The following RAPGEF2 variants were observed in gnomAD, a reference collection of about 807,000 sequenced individuals.
RAPGEF2 encodes the protein Rap guanine nucleotide exchange factor 2.
In RAPGEF2, 54 loss-of-function variants were observed where a neutral mutation model predicts 186.7. The observed-to-expected ratio is 0.29, with a 90% confidence interval of 0.23 to 0.36. The LOEUF is 0.36. Ranked by LOEUF, RAPGEF2 falls within the 10% of genes least tolerant of loss-of-function variation. The probability of loss-of-function intolerance (pLI) is 1.00; values close to 1 mark genes in which losing one functional copy is unlikely to be tolerated. For synonymous variants in RAPGEF2, 712 were observed against 705.9 expected, an observed-to-expected ratio of 1.01 and a Z score of -0.14; for missense variants, 1,532 against 2,045.0, an observed-to-expected ratio of 0.75 and a Z score of 4.84.
At chr4:159,142,026 A>C (rs1020833205) in intron 1 of RAPGEF2, among the ~76,000 whole-genome samples, 2 of 152,282 alleles carry the variant, frequency 1.3e-5, no homozygotes, top group African/African-American at 4.8e-5. Flanking sequence ...GTACCTTCTG[A>C]GTGTGTGTGA....
At chr4:159,286,030 A>ACCACCACCACC (rs1554026580) in intron 7 of RAPGEF2, among the ~76,000 whole-genome samples, 1 of 89,232 alleles carries the variant, frequency 1.1e-5, no homozygotes, top group African/African-American at 3.8e-5. Flanking sequence ...TGTTCCCCCC[A>ACCACCACCACC]ACCACCACCA....
intron 24 of RAPGEF2, among the ~76,000 whole-genome samples, chr4:159,345,741 C>T (rs1288407260): frequency 1.3e-5 from 2 of 152,092 alleles, no homozygotes; most frequent in African/African-American, 4.8e-5. Context: ...AACCACTAGC[C>T]CAGACAACAC....
intron 7 of RAPGEF2, among the ~76,000 whole-genome samples, chr4:159,259,521 T>C (rs140969234): frequency 1.1e-4 from 16 of 152,314 alleles, no homozygotes; most frequent in African/African-American, 3.6e-4. Context: ...TCCAATAGGA[T>C]AAGTTTTTAC....
chr4:159,304,352 A>G lies in RAPGEF2; in HGVS notation c.554A>G (p.Asp185Gly), dbSNP rs751308402. 1.8e-5 allele frequency: 29 copies of G among 1,604,716 alleles called. 1 individual carries two copies. In the South Asian group the frequency reaches 3.1e-4, roughly 17 times the overall value. ...CTGCTCCTTCCATAGCTTCCTGCAG[A>G]TTTCACAAAACTGCATCTTACTGAC... ...TECTKSQLPA[D>G]FTKLHLTDSL... The change falls in exon 8 of 30, where the codon GAT becomes GGT. Residue 185 changes from aspartate to glycine, a missense_variant. Transcript: ENST00000691494.
intron 1 of RAPGEF2, among the ~76,000 whole-genome samples, chr4:159,106,566 A>G (rs1362904317): frequency 1.3e-5 from 2 of 152,218 alleles, no homozygotes; most frequent in African/African-American, 4.8e-5. Context: ...TAAGCTTGAT[A>G]TCATGAACAG....
chr4:159,305,859 G>C (rs1458090387), intron 8 of RAPGEF2, among the ~76,000 whole-genome samples: 2 of 151,954 alleles, frequency 1.3e-5, no homozygotes, highest in African/African-American at 4.8e-5. Flanking sequence ...AAAGATAGGG[G>C]TCCAGTTTCA....
At chr4:159,254,633 G>C (rs1268101154) in intron 7 of RAPGEF2, among the ~76,000 whole-genome samples, 1 of 137,572 alleles carries the variant, frequency 7.3e-6, no homozygotes, top group Non-Finnish European at 1.5e-5. Flanking sequence ...AAATGAGACA[G>C]AGTCTTGCTC....
chr4:159,210,287 G>A (rs1005841532), intron 3 of RAPGEF2, among the ~76,000 whole-genome samples: 44 of 152,144 alleles, frequency 2.9e-4, no homozygotes, highest in African/African-American at 1.0e-3. Context: ...ACATTTAAAT[G>A]TACTGATAAA....
Position 159,243,661 on chromosome 4 carries a change from TCTTAA to T in RAPGEF2, c.526-107_526-103del, listed in dbSNP as rs554667632. 8.8e-5 allele frequency: 61 copies of T among 692,662 alleles called. 1 individual carries two copies. The highest frequency in any genetic ancestry group is 2.9e-4 in the Middle Eastern group (1 of 3,464). 42.9% of individuals were successfully genotyped at this position (692,662 alleles called of 1,614,324 possible). A position where few individuals can be genotyped will look rare whatever the true frequency, so the allele number is the denominator to read the frequency against. ...CATATAGCTGATTCTATATGATCATTCTTAACTTAATTTTAACATTATCTTCATTT... is the reference window on the plus strand; with the variant it reads ...CATATAGCTGATTCTATATGATCATTCTTAATTTTAACATTATCTTCATTT... On this transcript the variant is annotated intron_variant, in intron 6 of 29. Transcript: ENST00000691494.
At chr4:159,201,994 A>G (rs1472307763) in intron 3 of RAPGEF2, among the ~76,000 whole-genome samples, 1 of 152,182 alleles carries the variant, frequency 6.6e-6, no homozygotes, top group Non-Finnish European at 1.5e-5. Flanking sequence ...GCGGTATTAC[A>G]TCCTGGATAG....
intron 25 of RAPGEF2, among the ~76,000 whole-genome samples, chr4:159,348,218 CGATAGATA>C (rs535075782): frequency 1.2e-4 from 17 of 145,742 alleles, no homozygotes; most frequent in African/African-American, 3.3e-4. Flanking sequence ...AAGACTCTGT[CGATAGATA>C]GATAGATAGA....
At chr4:159,339,433 A>T (rs1248302877) in intron 19 of RAPGEF2, 79 bp downstream of exon 19, 3 of 1,497,778 alleles carry the variant, frequency 2.0e-6, no homozygotes. Flanking sequence ...AGCAATTTTC[A>T]AAGTGTTTTT....
At position 159,346,821 on chromosome 4, in the gene RAPGEF2, A is replaced by G. The variant is rs1046882714; in HGVS notation, c.3535A>G (p.Lys1179Glu). 6.2e-7 allele frequency: 1 copy of G among 1,614,066 alleles called. No individual in the cohort carries two copies. The highest frequency in any genetic ancestry group is 1.7e-5 in the Admixed American group (1 of 59,992). Residue 1179 changes from lysine to glutamate, a missense_variant, in exon 25 of 30, where the codon AAA becomes GAA. Physicochemically the swap from Lys to Glu is moderately conservative, Grantham distance 56. This residue lies in a region of RAPGEF2 where 117 missense variants were observed against 180.8 expected (regional missense o/e 0.65). Coordinates refer to ENST00000691494, the MANE Select transcript of RAPGEF2 (RefSeq NM_001394067.2). ...GAATCCTGGTGACAAAAAGCCTGTC[A>G]AATCCGAGACCTCTCCAGTAGCTCC... ...PKNPGDKKPV[K>E]SETSPVAPRA...
chr4:159,271,059 A>G (rs966981452), intron 7 of RAPGEF2, among the ~76,000 whole-genome samples: 1 of 152,198 alleles, frequency 6.6e-6, no homozygotes, highest in African/African-American at 2.4e-5. Context: ...TAGACTGTTA[A>G]TAGATGGTAG....
rs775456271 is a variant in RAPGEF2, at chr4:159,304,328, T to G, written c.544-14T>G. On this transcript the variant is annotated splice_polypyrimidine_tract_variant and intron_variant, in intron 7 of 29. Coordinates refer to ENST00000691494, the MANE Select transcript of RAPGEF2 (RefSeq NM_001394067.2). ...TTCAGATTGTAATCCTAGTTTTTCC[T>G]GCTCCTTCCATAGCTTCCTGCAGAT... The G allele has an allele frequency of 3.1e-6, 5 of 1,588,282 alleles. No individual in the cohort carries two copies. In the East Asian group the frequency reaches 1.1e-4, roughly 36 times the overall value.
intron 1 of RAPGEF2, among the ~76,000 whole-genome samples, chr4:159,137,843 A>G (rs1741892336): frequency 6.6e-6 from 1 of 152,166 alleles, no homozygotes; most frequent in Non-Finnish European, 1.5e-5. Context: ...ACAAAGAGTA[A>G]CTGTAATTCT....
At chr4:159,121,313 C>T (rs1009266600) in intron 1 of RAPGEF2, among the ~76,000 whole-genome samples, 1 of 152,044 alleles carries the variant, frequency 6.6e-6, no homozygotes, top group African/African-American at 2.4e-5. Flanking sequence ...TGGATCTACT[C>T]ATACATGGAC....
intron 1 of RAPGEF2, among the ~76,000 whole-genome samples, chr4:159,115,975 A>C (rs567239746): frequency 6.6e-6 from 1 of 152,342 alleles, no homozygotes; most frequent in Non-Finnish European, 1.5e-5. Flanking sequence ...ACCCACAACT[A>C]TAAAAACCCT....
At chr4:159,229,522 G>A (rs766992185) in intron 4 of RAPGEF2, 3 of 152,164 alleles carry the variant, frequency 2.0e-5, no homozygotes, top group Non-Finnish European at 2.9e-5. Flanking sequence ...GGGTATTTAC[G>A]AAAACTAGGT....
Sources: allele counts gnomAD v4.1 joint callset (sites outside exome capture counted in the v4.1 genomes callset), GRCh38; gene constraint gnomAD v4.1.1; regional missense constraint gnomAD v4.1.1; transcripts MANE v1.5; gene names NCBI Gene and HGNC (gene_info 2026-07-23, HGNC 2026-07-21).